UGT1A5: variants seen among roughly 807,000 people sequenced by gnomAD.
UGT1A5 encodes the protein UDP-glucuronosyltransferase 1A5.
A neutral mutation model predicts 40.3 loss-of-function variants in UGT1A5; 29 were observed. The ratio of observed to expected loss-of-function variants is 0.72; its 90% confidence interval spans 0.54 to 0.98. UGT1A5 has a LOEUF of 0.98. UGT1A5 is among the 50% of genes least tolerant of loss of function. UGT1A5 has a pLI of 0.00. For synonymous variants in UGT1A5, 257 were observed against 262.5 expected (o/e 0.98, Z 0.20); for missense variants, 678 against 677.9 (o/e 1.00, Z 0.00).
At chr2:233,752,994 T>C (rs1324115545) in intron 1 of UGT1A5, among the ~76,000 whole-genome samples, 2 of 152,114 alleles carry the variant, frequency 1.3e-5, no homozygotes, top group Admixed American at 1.3e-4. Flanking sequence ...ACCCACTCAT[T>C]CTATCCTACC....
Position 233,713,871 on chromosome 2 carries a change from G to A in UGT1A5, c.867+13G>A. 8 of 1,613,804 alleles carry A rather than the reference G, an allele frequency of 5.0e-6. No homozygotes were observed. The highest frequency in any genetic ancestry group is 6.8e-6 in the Non-Finnish European group (8 of 1,179,928). On this transcript the variant is annotated intron_variant, in intron 1 of 4. Coordinates refer to ENST00000373414, the MANE Select transcript of UGT1A5 (RefSeq NM_019078.2). Reference sequence around the variant, plus strand: ...GCCACTATCTCAGGTCTGTATTGGTGCCTTTATCCAATCAATGTTCCAGGC... The same window carrying A: ...GCCACTATCTCAGGTCTGTATTGGTACCTTTATCCAATCAATGTTCCAGGC...
At chr2:233,767,273 T>C (rs772040465) in intron 2 of UGT1A5, 108 bp downstream of exon 2, 1 of 1,581,726 alleles carries the variant, frequency 6.3e-7, no homozygotes, top group Non-Finnish European at 8.5e-7. Context: ...GATTTGGCTT[T>C]TCCCTGCCAC....
At chr2:233,740,302 A>C (rs564436017) in intron 1 of UGT1A5, among the ~76,000 whole-genome samples, 20 of 152,050 alleles carry the variant, frequency 1.3e-4, no homozygotes, top group Non-Finnish European at 2.5e-4. Flanking sequence ...GGAGAGTCTG[A>C]GAAAAGGAAA....
intron 2 of UGT1A5, among the ~76,000 whole-genome samples, chr2:233,767,421 A>G (rs1260096333): frequency 6.6e-6 from 1 of 152,234 alleles, no homozygotes; most frequent in Non-Finnish European, 1.5e-5. Context: ...TCAAAAGTGT[A>G]TTAGGGAGAA....
In UGT1A5 at chr2:233,768,278, C is replaced by T. The variant is rs72551354; in HGVS notation, c.1146C>T (p.Ser382=). The change falls in exon 4 of 5, where the codon AGC becomes AGT. Residue 382 remains serine, a synonymous_variant. Coordinates refer to ENST00000373414, the MANE Select transcript of UGT1A5 (RefSeq NM_019078.2). ...THAGSHGVYE[S]ICNGVPMVMM... is the part of the protein sequence containing the mutation. ...CTGGTTCCCATGGTGTTTATGAAAG[C>T]ATATGCAATGGCGTTCCCATGGTGA... 6.2e-7 allele frequency: 1 copy of T among 1,614,064 alleles called. No individual in the cohort carries two copies. The highest frequency in any genetic ancestry group is 1.3e-5 in the African/African-American group (1 of 74,924).
In UGT1A5 at chr2:233,748,243, C is replaced by T. The variant is rs570859275; in HGVS notation, c.868-18791C>T. Among the ~76,000 whole-genome samples the T allele has an allele frequency of 2.0e-4, 31 of 151,784 alleles. 2 individuals are homozygous for T. Among genetic ancestry groups the T allele is most frequent in the African/African-American group, 6.3e-4 (26 of 41,150 alleles). ...TAAACTGTTAAGGGGTCTCTAGTAGCGTATTTCAGGTTTTAAATGGTCAAT... is the reference window on the plus strand; with the variant it reads ...TAAACTGTTAAGGGGTCTCTAGTAGTGTATTTCAGGTTTTAAATGGTCAAT... On this transcript the variant is annotated intron_variant, in intron 1 of 4. Transcript: ENST00000373414.
intron 4 of UGT1A5, among the ~76,000 whole-genome samples, chr2:233,771,772 C>T (rs536423324): frequency 2.8e-4 from 43 of 152,144 alleles, no homozygotes; most frequent in African/African-American, 1.0e-3. Flanking sequence ...CCGTCCCTCT[C>T]TCCTTTCCTC....
At chr2:233,755,509 C>T (rs143373661) in intron 1 of UGT1A5, 2 of 166,052 alleles carry the variant, frequency 1.2e-5, no homozygotes, top group Middle Eastern at 2.8e-3. Context: ...GACCAGGCCC[C>T]GCCCACTCCG....
intron 1 of UGT1A5, chr2:233,738,901 C>A (rs1400656739): frequency 1.3e-5 from 2 of 152,162 alleles, no homozygotes; most frequent in Non-Finnish European, 2.9e-5. Context: ...TGCAGCAGAC[C>A]CTCCCATCAC....
chr2:233,720,874 T>TTTC (rs1334783084), intron 1 of UGT1A5, among the ~76,000 whole-genome samples: 2 of 147,924 alleles, frequency 1.4e-5, no homozygotes, highest in Non-Finnish European at 3.0e-5. Context: ...CCTGGCAATT[T>TTTC]TTTTTTTTTT....
intron 1 of UGT1A5, among the ~76,000 whole-genome samples, chr2:233,752,970 T>C (rs1695100679): frequency 2.0e-5 from 3 of 152,220 alleles, no homozygotes; most frequent in South Asian, 2.1e-4. Context: ...ATGTAACCAA[T>C]TGTGTAGATA....
At position 233,729,976 on chromosome 2, in the gene UGT1A5, A is replaced by G. The variant is rs201645683; in HGVS notation, c.867+16118A>G. The G allele has an allele frequency of 5.4e-5, 87 of 1,614,040 alleles. No individual in the cohort carries two copies. The highest frequency in any genetic ancestry group is 3.6e-4 in the East Asian group (16 of 44,888). On this transcript the variant is annotated intron_variant, in intron 1 of 4. Transcript: ENST00000373414. ...CATTGGGGGCATCAACTGTGCCAACAGGAAGCCACTATCTCAGGTCTGTAT... is the reference window on the plus strand; with the variant it reads ...CATTGGGGGCATCAACTGTGCCAACGGGAAGCCACTATCTCAGGTCTGTAT...
chr2:233,730,090 C>A, intron 1 of UGT1A5: 2 of 1,596,076 alleles, frequency 1.3e-6, no homozygotes, highest in South Asian at 1.1e-5. Flanking sequence ...ACTTATCTTT[C>A]CAAATATTTC....
At chr2:233,717,878 G>T (rs2076613301) in intron 1 of UGT1A5, 1 of 454,744 alleles carries the variant, frequency 2.2e-6, no homozygotes, top group African/African-American at 2.0e-5. Context: ...TTGGAGAAAA[G>T]CCTGGCCATA....
At chr2:233,763,481 G>T (rs1698320129) in intron 1 of UGT1A5, among the ~76,000 whole-genome samples, 1 of 152,170 alleles carries the variant, frequency 6.6e-6, no homozygotes, top group Non-Finnish European at 1.5e-5. Context: ...AGATTTGATT[G>T]TAACTCTCTC....
chr2:233,760,827 A>G lies in UGT1A5; in HGVS notation c.868-6207A>G, dbSNP rs148755655. ...TGCATGCACTGCCATGCAGCCTGGA[A>G]TTTGAGGCTACCCAGTGCCCCAACC... On this transcript the variant is annotated intron_variant, in intron 1 of 4. Transcript: ENST00000373414. 4,073 of 1,613,502 alleles carry G rather than the reference A, an allele frequency of 2.5e-3. 8 individuals carry two copies. The highest frequency in any genetic ancestry group is 3.2e-3 in the Non-Finnish European group (3,736 of 1,179,512).
intron 1 of UGT1A5, among the ~76,000 whole-genome samples, chr2:233,730,680 C>A (rs1218688522): frequency 6.6e-6 from 1 of 152,088 alleles, no homozygotes; most frequent in Admixed American, 6.6e-5. Context: ...GTAATGGTTG[C>A]ATCTCAAATG....
At chr2:233,747,308 T>C in intron 1 of UGT1A5, 5 of 1,602,886 alleles carry the variant, frequency 3.1e-6, no homozygotes, top group Non-Finnish European at 4.3e-6. Context: ...GGGAAGGTGC[T>C]GGTGGTACCC....
rs527503361 is a variant in UGT1A5 at position 233,743,746 on chromosome 2, C to G, written c.868-23288C>G. 8 of 1,367,246 alleles carry G rather than the reference C, an allele frequency of 5.9e-6. No individual in the cohort carries two copies. The South Asian group carries it at 6.8e-5, about 12-fold the overall frequency. The allele number at this position is 1,367,246 out of a possible 1,614,324, so 84.7% of individuals were successfully genotyped here. On this transcript the variant is annotated intron_variant, in intron 1 of 4. Transcript: ENST00000373414. ...CATAGATATCGCGTTTCTTGGCGTC[C>G]GACAACACCTCGTAGGCCTCGGCCA...
Sources: allele counts gnomAD v4.1 joint callset (sites outside exome capture counted in the v4.1 genomes callset), GRCh38; gene constraint gnomAD v4.1.1; transcripts MANE v1.5; gene names NCBI Gene and HGNC (gene_info 2026-07-23, HGNC 2026-07-21).